GRM7: variants seen among roughly 807,000 people sequenced by gnomAD.
The protein encoded by GRM7 is metabotropic glutamate receptor 7.
In GRM7, 35 loss-of-function variants were observed where a neutral mutation model predicts 84.5. That is an observed-to-expected ratio of 0.41 (90% confidence interval 0.32 to 0.55). GRM7 has a LOEUF of 0.55. Among genes scored for constraint, GRM7 ranks in the 20% least tolerant of loss-of-function variants. The pLI, the probability that GRM7 is intolerant of heterozygous loss-of-function variation, is 0.19. For missense variants in GRM7, 1,003 were observed against 1,194.6 expected, an observed-to-expected ratio of 0.84 and a Z score of 2.36; for synonymous variants, 487 against 455.1, an observed-to-expected ratio of 1.07 and a Z score of -0.89.
chr3:7,697,213 T>C (rs1427055317), intron 9 of GRM7, among the ~76,000 whole-genome samples: 7 of 152,222 alleles, frequency 4.6e-5, no homozygotes, highest in African/African-American at 1.7e-4. Flanking sequence ...AAGAAAAATA[T>C]ACCTAATTTT....
chr3:7,441,790 G>A (rs1697299769), intron 5 of GRM7, among the ~76,000 whole-genome samples: 1 of 152,088 alleles, frequency 6.6e-6, no homozygotes, highest in African/African-American at 2.4e-5. Context: ...ATGGCTGTAA[G>A]TGTGCAGCTT....
intron 2 of GRM7, among the ~76,000 whole-genome samples, chr3:7,153,894 C>G (rs1465257328): frequency 6.6e-6 from 1 of 151,940 alleles, no homozygotes; most frequent in East Asian, 1.9e-4. Context: ...TTAGGGCATA[C>G]TACAAGGAAA....
chr3:6,966,370 G>T (rs985069597), intron 1 of GRM7, among the ~76,000 whole-genome samples: 40 of 152,152 alleles, frequency 2.6e-4, no homozygotes, highest in African/African-American at 9.4e-4. Context: ...AGGATGCAAG[G>T]TTGGACTAGT....
chr3:7,115,223 T>G (rs2125038472), intron 1 of GRM7, among the ~76,000 whole-genome samples: 1 of 152,260 alleles, frequency 6.6e-6, no homozygotes, highest in African/African-American at 2.4e-5. Context: ...CATAATGCTA[T>G]ATTTTAATAA....
chr3:6,989,623 A>T (rs932610787), intron 1 of GRM7, among the ~76,000 whole-genome samples: 1 of 152,238 alleles, frequency 6.6e-6, no homozygotes, highest in Non-Finnish European at 1.5e-5. Context: ...CTAGATTGAA[A>T]GAGTGTTGTA....
intron 8 of GRM7, among the ~76,000 whole-genome samples, chr3:7,617,832 G>A (rs370351189): frequency 6.6e-6 from 1 of 152,020 alleles, no homozygotes; most frequent in South Asian, 2.1e-4. Context: ...TAAAGAATAA[G>A]GTTTGTTTTT....
intron 1 of GRM7, among the ~76,000 whole-genome samples, chr3:7,049,603 C>T (rs1696923318): frequency 6.6e-6 from 1 of 151,858 alleles, no homozygotes; most frequent in African/African-American, 2.4e-5. Flanking sequence ...ATTAACAAAA[C>T]ATTTCCACAA....
At chr3:7,360,306 TAA>T (rs1209031526) in intron 4 of GRM7, among the ~76,000 whole-genome samples, 1 of 147,964 alleles carries the variant, frequency 6.8e-6, no homozygotes, top group Non-Finnish European at 1.5e-5. Flanking sequence ...ATCTATGATT[TAA>T]AAAGTCTTTT....
chr3:7,554,031 G>A (rs377122167), intron 7 of GRM7, among the ~76,000 whole-genome samples: 8 of 152,288 alleles, frequency 5.3e-5, no homozygotes, highest in African/African-American at 1.7e-4. Flanking sequence ...TCATGTCTCA[G>A]TGCAGCGTTC....
At chr3:6,955,841 C>CAAAAAA (rs35751915) in intron 1 of GRM7, among the ~76,000 whole-genome samples, 211 of 141,288 alleles carry the variant, frequency 1.5e-3, no homozygotes, top group South Asian at 3.8e-3. Flanking sequence ...GACTCTATCT[C>CAAAAAA]AAAAAAAAAA....
chr3:6,927,222 G>A (rs1201367979), intron 1 of GRM7, among the ~76,000 whole-genome samples: 1 of 152,104 alleles, frequency 6.6e-6, no homozygotes, highest in Non-Finnish European at 1.5e-5. Context: ...GAGGCCAGGA[G>A]TTTGAGACCG....
chr3:6,897,060 C>A (rs189237272), intron 1 of GRM7, among the ~76,000 whole-genome samples: 6 of 152,192 alleles, frequency 3.9e-5, no homozygotes, highest in African/African-American at 1.4e-4. Flanking sequence ...AACACATAGT[C>A]GGTGCTCCTA....
intron 4 of GRM7, among the ~76,000 whole-genome samples, chr3:7,321,565 T>C (rs1254773314): frequency 6.6e-6 from 1 of 152,034 alleles, no homozygotes; most frequent in African/African-American, 2.4e-5. Context: ...CTTTTTCTAT[T>C]TTATTTCATA....
intron 7 of GRM7, among the ~76,000 whole-genome samples, chr3:7,567,791 A>C (rs1694389334): frequency 7.0e-6 from 1 of 141,884 alleles, no homozygotes; most frequent in African/African-American, 2.6e-5. Flanking sequence ...AAAAAGACAC[A>C]ACTCCAGGAT....
chr3:7,450,117 T>A (rs995049032), intron 5 of GRM7, among the ~76,000 whole-genome samples: 9 of 90 alleles, frequency 0.1, no homozygotes, highest in Non-Finnish European at 0.17. Context: ...TAACTTTTTA[T>A]CAGAATGGCT....
chr3:7,498,184 T>G (rs1699767882), intron 7 of GRM7, among the ~76,000 whole-genome samples: 1 of 151,720 alleles, frequency 6.6e-6, no homozygotes, highest in African/African-American at 2.4e-5. Context: ...TTGCCTCCCT[T>G]TTTTTTTATT....
intron 7 of GRM7, among the ~76,000 whole-genome samples, chr3:7,555,642 G>A (rs1340915657): frequency 1.3e-5 from 2 of 152,204 alleles, no homozygotes; most frequent in Admixed American, 6.5e-5. Flanking sequence ...GGGTTTGGCA[G>A]TAGGAATCTT....
intron 1 of GRM7, among the ~76,000 whole-genome samples, chr3:7,028,370 C>T (rs1427424931): frequency 6.6e-6 from 1 of 152,140 alleles, no homozygotes; most frequent in Admixed American, 6.5e-5. Context: ...ATGTATAGTA[C>T]AGATCTGGCA....
rs1553617438 is a variant in GRM7 at position 7,103,816 on chromosome 3, T to TTCTTTCTTTCTTTCTCTC, written c.520-42633_520-42632insTTCTTTCTTTCTCTCTCT. 4.3e-4 allele frequency among the ~76,000 whole-genome samples: 38 copies of TTCTTTCTTTCTTTCTCTC among 89,098 alleles called. 1 individual carries two copies. The highest frequency in any genetic ancestry group is 1.0e-3 in the African/African-American group (21 of 20,762). 58.5% of individuals were successfully genotyped at this position (89,098 alleles called of 152,430 possible). ...TTTCTTTCTTTCTTTCTTTCTTTCT[T>TTCTTTCTTTCTTTCTCTC]TCTCTCTCTCTCTGTCTCTCTCTCC... On this transcript the variant is annotated intron_variant, in intron 1 of 9. Transcript: ENST00000357716.
Sources: allele counts gnomAD v4.1 joint callset (sites outside exome capture counted in the v4.1 genomes callset), GRCh38; gene constraint gnomAD v4.1.1; transcripts MANE v1.5; gene names NCBI Gene and HGNC (gene_info 2026-07-23, HGNC 2026-07-21).